Variants in CLVS1 observed in about 807,000 individuals in gnomAD.
CLVS1 encodes the protein clavesin 1.
CLVS1 carries 10 observed loss-of-function variants against 33.1 expected under a neutral mutation model. That is an observed-to-expected ratio of 0.30 (90% CI 0.19 to 0.51). The LOEUF (loss-of-function observed/expected upper bound fraction) is 0.51. Ranked by LOEUF, CLVS1 falls within the 20% of genes least tolerant of loss-of-function variation. The pLI is 0.97. For synonymous variants in CLVS1, 163 were observed against 166.1 expected, an observed-to-expected ratio of 0.98 and a Z score of 0.14; for missense variants, 343 against 433.4, an observed-to-expected ratio of 0.79 and a Z score of 1.85.
chr8:61,458,965 G>C (rs1174401105), intron 5 of CLVS1, among the ~76,000 whole-genome samples: 1 of 152,200 alleles, frequency 6.6e-6, no homozygotes, highest in African/African-American at 2.4e-5. Context: ...AGGTACAAAT[G>C]AGAATAAGAT....
the CLVS1 span, among the ~76,000 whole-genome samples, chr8:60,979,624 TGC>T: frequency 6.6e-6 from 1 of 152,214 alleles, no homozygotes; most frequent in African/African-American, 2.4e-5. Flanking sequence ...TGCTCAAATC[TGC>T]ACACAGAAAA....
intron 2 of CLVS1, among the ~76,000 whole-genome samples, chr8:61,164,469 G>A (rs67650071): frequency 0.051 from 7,744 of 152,174 alleles, 411 homozygotes; most frequent in East Asian, 0.26. Context: ...TGCGATTCCC[G>A]CTGTCTTCTT....
At chr8:61,026,919 T>C in the CLVS1 span, among the ~76,000 whole-genome samples, 1 of 152,058 alleles carries the variant, frequency 6.6e-6, no homozygotes, top group East Asian at 1.9e-4. Context: ...CTTGTGCACT[T>C]GAAAATTGAG....
At chr8:61,043,969 C>G in the CLVS1 span, among the ~76,000 whole-genome samples, 2 of 152,186 alleles carry the variant, frequency 1.3e-5, no homozygotes, top group African/African-American at 4.8e-5. Flanking sequence ...CACTTCTACT[C>G]AGAAAGATGC....
At chr8:61,182,555 A>G (rs112532431) in intron 2 of CLVS1, among the ~76,000 whole-genome samples, 5,203 of 152,310 alleles carry the variant, frequency 0.034, 99 homozygotes, top group Middle Eastern at 0.041. Context: ...GAAGACATTT[A>G]TGTGGCTAAC....
chr8:61,373,823 T>G (rs1325098493), intron 2 of CLVS1, among the ~76,000 whole-genome samples: 1 of 152,240 alleles, frequency 6.6e-6, no homozygotes, highest in African/African-American at 2.4e-5. Context: ...TATTGCTGCT[T>G]ATGCACCTGT....
chr8:61,021,036 G>T, the CLVS1 span, among the ~76,000 whole-genome samples: 1 of 152,060 alleles, frequency 6.6e-6, no homozygotes, highest in Non-Finnish European at 1.5e-5. Context: ...ACTTTTTCCT[G>T]TTCTGAAGCA....
the CLVS1 span, among the ~76,000 whole-genome samples, chr8:61,046,914 A>T: frequency 6.6e-6 from 1 of 152,190 alleles, no homozygotes; most frequent in Admixed American, 6.5e-5. Flanking sequence ...TTTTCTAGAT[A>T]TACAATCACG....
At chr8:61,034,600 G>A in the CLVS1 span, among the ~76,000 whole-genome samples, 2 of 151,856 alleles carry the variant, frequency 1.3e-5, no homozygotes, top group African/African-American at 2.4e-5. Context: ...TACATTCCAC[G>A]TGTAAATGAA....
intron 2 of CLVS1, among the ~76,000 whole-genome samples, chr8:61,363,516 T>C (rs1813067715): frequency 6.6e-6 from 1 of 152,210 alleles, no homozygotes; most frequent in African/African-American, 2.4e-5. Flanking sequence ...ACCAATGTTT[T>C]CTTTCACCAC....
intron 2 of CLVS1, chr8:61,202,515 T>C (rs1807755262): frequency 2.0e-6 from 2 of 1,020,784 alleles, no homozygotes; most frequent in African/African-American, 1.6e-5. Flanking sequence ...GTGCAAAGGA[T>C]GAATTGCACA....
At chr8:61,369,532 T>G (rs1813348518) in intron 2 of CLVS1, among the ~76,000 whole-genome samples, 1 of 152,134 alleles carries the variant, frequency 6.6e-6, no homozygotes, top group African/African-American at 2.4e-5. Flanking sequence ...CAATTAAAAT[T>G]TGCACACTCC....
At chr8:61,323,968 T>G (rs2882253) in intron 2 of CLVS1, among the ~76,000 whole-genome samples, 2 of 152,184 alleles carry the variant, frequency 1.3e-5, no homozygotes, top group African/African-American at 2.4e-5. Flanking sequence ...GCAAAGGACA[T>G]GATCTCATTC....
intron 1 of CLVS1, among the ~76,000 whole-genome samples, chr8:61,071,450 A>G (rs1260754431): frequency 6.6e-6 from 1 of 152,040 alleles, no homozygotes; most frequent in Non-Finnish European, 1.5e-5. Flanking sequence ...CATGTCTCCT[A>G]CTTCCTCCTA....
At chr8:61,300,569 T>C (rs988415255) in intron 2 of CLVS1, 3 of 294,068 alleles carry the variant, frequency 1.0e-5, no homozygotes, top group African/African-American at 4.4e-5. Context: ...AGAAGAACCA[T>C]ATATTCTGTC....
intron 2 of CLVS1, among the ~76,000 whole-genome samples, chr8:61,308,186 A>G (rs141873155): frequency 1.1e-4 from 17 of 152,308 alleles, no homozygotes; most frequent in Non-Finnish European, 2.2e-4. Flanking sequence ...ACGTTTTCTT[A>G]TTTAATGCTC....
chr8:61,231,860 G>T (rs556875000), intron 2 of CLVS1, among the ~76,000 whole-genome samples: 37 of 152,130 alleles, frequency 2.4e-4, no homozygotes, highest in African/African-American at 8.9e-4. Context: ...ACTTTCAGTC[G>T]AACCTTACCC....
intron 2 of CLVS1, among the ~76,000 whole-genome samples, chr8:61,246,962 C>G (rs1168582730): frequency 6.6e-6 from 1 of 152,110 alleles, no homozygotes; most frequent in Admixed American, 6.6e-5. Context: ...TCTTCCCACC[C>G]TCCCCACTCA....
At chr8:61,134,553 T>C (rs576614754) in intron 2 of CLVS1, among the ~76,000 whole-genome samples, 1 of 152,376 alleles carries the variant, frequency 6.6e-6, no homozygotes, top group South Asian at 2.1e-4. Flanking sequence ...AGGGCCTTTC[T>C]GGAGGCTCTA....
Sources: gnomAD v4.1 joint callset for allele counts (sites outside exome capture counted in the v4.1 genomes callset) on GRCh38, gnomAD v4.1.1 for gene constraint, MANE v1.5 for transcripts, NCBI Gene and HGNC (gene_info 2026-07-23, HGNC 2026-07-21) for gene names.